The following FILIP1 variants were observed in gnomAD, a reference collection of about 807,000 sequenced individuals.
FILIP1 encodes filamin-A-interacting protein 1.
Under a neutral mutation model 102.1 loss-of-function variants are expected in FILIP1, and 61 were observed. The observed-to-expected ratio is 0.60, with a 90% confidence interval of 0.49 to 0.74. The LOEUF (loss-of-function observed/expected upper bound fraction) is 0.74, where lower values mean the gene tolerates loss of function less well. Among genes scored for constraint, FILIP1 ranks in the 30% least tolerant of loss-of-function variants. The pLI is 0.00. For synonymous variants in FILIP1, 491 were observed against 526.9 expected (o/e 0.93, Z 0.93); for missense variants, 1,314 against 1,441.2 (o/e 0.91, Z 1.43).
intron 2 of FILIP1, among the ~76,000 whole-genome samples, chr6:75,394,093 T>A (rs757559737): frequency 2.6e-5 from 4 of 152,206 alleles, no homozygotes; most frequent in Admixed American, 6.6e-5. Flanking sequence ...TGATAGCTGC[T>A]TCTTGCAGTT....
At chr6:75,330,038 G>A (rs1774020746) in intron 4 of FILIP1, among the ~76,000 whole-genome samples, 1 of 152,182 alleles carries the variant, frequency 6.6e-6, no homozygotes, top group Non-Finnish European at 1.5e-5. Flanking sequence ...GGGCTGGGAT[G>A]AGAGAGAAGT....
At chr6:75,471,178 A>AAAAAAAC (rs1328235726) in intron 1 of FILIP1, among the ~76,000 whole-genome samples, 37 of 146,114 alleles carry the variant, frequency 2.5e-4, no homozygotes, top group African/African-American at 8.7e-4. Flanking sequence ...AAAAAAAAAA[A>AAAAAAAC]AAAAAGAAAA....
intron 4 of FILIP1, among the ~76,000 whole-genome samples, chr6:75,351,027 G>A (rs966115145): frequency 6.6e-6 from 1 of 152,046 alleles, no homozygotes; most frequent in Admixed American, 6.6e-5. Flanking sequence ...TATGATGGTG[G>A]TGTGCCTGAG....
At chr6:75,372,673 GAAAGAA>G (rs1475613503) in intron 2 of FILIP1, among the ~76,000 whole-genome samples, 5 of 57,024 alleles carry the variant, frequency 8.8e-5, no homozygotes, top group East Asian at 7.4e-4. Flanking sequence ...AAGAAAGAAA[GAAAGAA>G]AGAAAGAGAA....
intron 2 of FILIP1, among the ~76,000 whole-genome samples, chr6:75,400,788 A>G (rs568035804): frequency 5.3e-5 from 8 of 152,262 alleles, no homozygotes; most frequent in Admixed American, 5.2e-4. Context: ...CAACAGAAGT[A>G]GCTTTGACAA....
At chr6:75,471,596 G>C (rs1017951427) in intron 1 of FILIP1, among the ~76,000 whole-genome samples, 16 of 152,146 alleles carry the variant, frequency 1.1e-4, no homozygotes, top group Admixed American at 3.3e-4. Flanking sequence ...CTAACTGTTG[G>C]AGTAGATATT....
intron 1 of FILIP1, among the ~76,000 whole-genome samples, chr6:75,422,082 C>T (rs1777489011): frequency 6.6e-6 from 1 of 152,110 alleles, no homozygotes; most frequent in Non-Finnish European, 1.5e-5. Context: ...AAGCATTTAA[C>T]TATCTAGTAA....
intron 1 of FILIP1, among the ~76,000 whole-genome samples, chr6:75,475,094 C>T (rs1004737481): frequency 1.2e-4 from 18 of 152,246 alleles, no homozygotes; most frequent in African/African-American, 3.4e-4. Flanking sequence ...TTTTAAATTA[C>T]TCAGTTGCAG....
At chr6:75,392,620 T>C (rs903650022) in intron 2 of FILIP1, among the ~76,000 whole-genome samples, 1 of 152,152 alleles carries the variant, frequency 6.6e-6, no homozygotes, top group Non-Finnish European at 1.5e-5. Context: ...ACACAATTTA[T>C]ACAAAATCTT....
chr6:75,335,596 A>C (rs965918091), intron 4 of FILIP1, among the ~76,000 whole-genome samples: 21 of 152,130 alleles, frequency 1.4e-4, no homozygotes, highest in Non-Finnish European at 2.9e-4. Context: ...TAGGTAAATT[A>C]AACATTCCAG....
chr6:75,407,370 C>T (rs1271748334), intron 2 of FILIP1, among the ~76,000 whole-genome samples: 5 of 152,052 alleles, frequency 3.3e-5, no homozygotes, highest in Non-Finnish European at 7.4e-5. Context: ...GGACTACAGG[C>T]ACCTGCCACC....
intron 2 of FILIP1, among the ~76,000 whole-genome samples, chr6:75,407,058 G>GCA: frequency 6.6e-6 from 1 of 152,256 alleles, no homozygotes; most frequent in East Asian, 1.9e-4. Flanking sequence ...TAAGAAAGAA[G>GCA]CACATATAGG....
chr6:75,366,630 A>G (rs1439851939), intron 2 of FILIP1, among the ~76,000 whole-genome samples: 1 of 152,206 alleles, frequency 6.6e-6, no homozygotes, highest in East Asian at 1.9e-4. Context: ...GCCTAACATA[A>G]AACTTGGCAT....
intron 4 of FILIP1, among the ~76,000 whole-genome samples, chr6:75,339,363 A>T (rs1774346057): frequency 6.6e-6 from 1 of 152,230 alleles, no homozygotes; most frequent in Non-Finnish European, 1.5e-5. Flanking sequence ...TCATCTATAT[A>T]CATAAACTGA....
chr6:75,384,959 T>G (rs1473444388), intron 2 of FILIP1: 1 of 143,526 alleles, frequency 7.0e-6, no homozygotes, highest in East Asian at 2.0e-4. Flanking sequence ...CATGCCCAGC[T>G]ATTTTTTTTT....
intron 2 of FILIP1, among the ~76,000 whole-genome samples, chr6:75,413,710 G>C (rs905864527): frequency 1.3e-5 from 2 of 151,170 alleles, no homozygotes; most frequent in African/African-American, 2.4e-5. Flanking sequence ...TCCTTCAAAG[G>C]CTCATGCAAG....
intron 1 of FILIP1, among the ~76,000 whole-genome samples, chr6:75,477,679 T>C (rs1224769691): frequency 6.6e-6 from 1 of 152,014 alleles, no homozygotes; most frequent in African/African-American, 2.4e-5. Context: ...GGAAGTTGAG[T>C]ACAAGGCCTA....
chr6:75,382,008 C>T (rs62414187), intron 2 of FILIP1, among the ~76,000 whole-genome samples: 3 of 152,164 alleles, frequency 2.0e-5, no homozygotes, highest in Non-Finnish European at 4.4e-5. Context: ...AAGCACAGAG[C>T]AAAGGAAAGC....
chr6:75,296,757 C>T (rs1045339626), intron 6 of FILIP1: 1 of 151,566 alleles, frequency 6.6e-6, no homozygotes, highest in African/African-American at 2.4e-5. Flanking sequence ...CTCAGCCTCC[C>T]TATATGTTTT....
Sources: allele counts gnomAD v4.1 joint callset (sites outside exome capture counted in the v4.1 genomes callset), GRCh38; gene constraint gnomAD v4.1.1; transcripts MANE v1.5; gene names NCBI Gene and HGNC (gene_info 2026-07-23, HGNC 2026-07-21).